The following SYNE2 variants were observed in gnomAD, a reference collection of about 807,000 sequenced individuals.
SYNE2 encodes the protein spectrin repeat containing nuclear envelope protein 2, also known as nesprin-2.
In SYNE2, 431 loss-of-function variants were observed where a neutral mutation model predicts 856.3. That is an observed-to-expected ratio of 0.50 (90% CI 0.47 to 0.55). The LOEUF is 0.55. Among genes scored for constraint, SYNE2 ranks in the 20% least tolerant of loss-of-function variants. The probability of loss-of-function intolerance (pLI) is 0.00; values close to 1 mark genes in which losing one functional copy is unlikely to be tolerated. For synonymous variants in SYNE2, 2,923 were observed against 2,872.3 expected (o/e 1.02, Z -0.56); for missense variants, 8,129 against 8,023.2 (o/e 1.01, Z -0.50).
At chr14:64,126,233 A>G (rs955719650) in intron 71 of SYNE2, 94 bp from the exon 72 acceptor site, 6 of 1,124,014 alleles carry the variant, frequency 5.3e-6, no homozygotes, top group East Asian at 2.4e-5. Flanking sequence ...GAAGCATAAC[A>G]TAAATCATAA....
At position 64,218,796 on chromosome 14, in the gene SYNE2, GAGGATGATGATCAGTGTTATCTCA is replaced by G. The variant is rs566083386; in HGVS notation, c.19657+287_19657+310del. ...ATATTTGTGTGTAAAGATCAGACTT[GAGGATGATGATCAGTGTTATCTCA>G]AGTGTCTCTTCATTCGACCAGCCCA... On this transcript the variant is annotated intron_variant, in intron 109 of 115. Coordinates refer to ENST00000555002, the MANE Select transcript of SYNE2 (RefSeq NM_182914.3). Among the ~76,000 whole-genome samples the G allele has an allele frequency of 2.0e-5, 3 of 152,314 alleles. No individual in the cohort carries two copies. In the South Asian group the frequency reaches 6.2e-4, roughly 32 times the overall value.
intron 85 of SYNE2, among the ~76,000 whole-genome samples, chr14:64,154,792 C>CAAAAAAAAAA (rs34020154): frequency 1.1e-5 from 1 of 91,118 alleles, no homozygotes. Context: ...GACCCTGTCT[C>CAAAAAAAAAA]AAAAAAAAAA....
chr14:63,832,041 A>C (rs1033970982), intron 1 of SYNE2, among the ~76,000 whole-genome samples: 1 of 152,136 alleles, frequency 6.6e-6, no homozygotes, highest in African/African-American at 2.4e-5. Context: ...GATTTGTAAT[A>C]GTCTATTAGT....
At position 64,052,113 on chromosome 14, in the gene SYNE2, A is replaced by T; in HGVS notation, c.8200A>T (p.Asn2734Tyr). ...ENQIKKCDIR[N>Y]KMKETILWAK... ...TCAGATTAAGAAGTGTGACATAAGG[A>T]ACAAGATGAAAGAGACTATCTTATG... Residue 2734 changes from asparagine to tyrosine, a missense_variant, in exon 48 of 116, where the codon AAC becomes TAC. This residue lies in a region of SYNE2 where 5,410 missense variants were observed against 5,284.8 expected (regional missense o/e 1.02). Transcript: ENST00000555002. The T allele has an allele frequency of 6.2e-7, 1 of 1,614,206 alleles. No homozygotes were observed. Among genetic ancestry groups the T allele is most frequent in the Non-Finnish European group, 8.5e-7 (1 of 1,180,034 alleles).
chr14:64,044,232 G>A (rs1434499304), intron 45 of SYNE2, among the ~76,000 whole-genome samples: 1 of 152,108 alleles, frequency 6.6e-6, no homozygotes, highest in African/African-American at 2.4e-5. Flanking sequence ...AGAGTCAAAC[G>A]AGATCATTTT....
intron 78 of SYNE2, among the ~76,000 whole-genome samples, chr14:64,134,480 TGGAATGC>T (rs1299250506): frequency 1.3e-5 from 2 of 152,110 alleles, no homozygotes; most frequent in Admixed American, 6.5e-5. Flanking sequence ...TCTTTATCTG[TGGAATGC>T]AGATAATCGA....
chr14:64,075,815 CT>C, intron 53 of SYNE2, 129 bp from the exon 54 acceptor site: 1 of 902,252 alleles, frequency 1.1e-6, no homozygotes, highest in South Asian at 1.4e-5. Flanking sequence ...GCTTGTATCA[CT>C]AGTGGGGTTT....
At chr14:63,880,086 T>G (rs2094824350) in intron 1 of SYNE2, among the ~76,000 whole-genome samples, 1 of 152,198 alleles carries the variant, frequency 6.6e-6, no homozygotes, top group Non-Finnish European at 1.5e-5. Context: ...TTATTTTATT[T>G]TATTCATTTA....
rs1021017074 is a variant in SYNE2 at position 64,027,937 on chromosome 14, T to A, written c.6714+144T>A. ...TATTTTATTTTTTTGAGACAGGGTC[T>A]CACTCTTTGCCCAGGCTGGAGTGCA... On this transcript the variant is annotated intron_variant, in intron 43 of 115. Transcript: ENST00000555002. The A allele has an allele frequency of 1.9e-5, 14 of 732,288 alleles. No homozygotes were observed. The South Asian group carries it at 2.6e-4, about 14-fold the overall frequency. 45.4% of individuals were successfully genotyped at this position (732,288 alleles called of 1,614,324 possible).
chr14:63,858,349 T>G (rs1375444636), intron 1 of SYNE2, among the ~76,000 whole-genome samples: 1 of 140,972 alleles, frequency 7.1e-6, no homozygotes, highest in Admixed American at 7.5e-5. Flanking sequence ...CTTGAACTCC[T>G]GGCCTCAAGT....
rs746943422 is a variant in SYNE2 at position 64,215,294 on chromosome 14, A to T, written c.19342A>T (p.Ile6448Phe). Residue 6448 changes from isoleucine to phenylalanine, a missense_variant, in exon 107 of 116, where the codon ATC (isoleucine) becomes TTC (phenylalanine). Physicochemically the swap from Ile to Phe is conservative, Grantham distance 21. Around this residue, in one of 3 missense-constraint regions of SYNE2, gnomAD observed 5,410 missense variants for 5,284.8 expected, o/e 1.02. Coordinates refer to ENST00000555002, the MANE Select transcript of SYNE2 (RefSeq NM_182914.3). ...ACATTGTTCTTTTTCAGATGTAGAA[A>T]TCCCTGAAAATCCTGAGGCATATCT... Reference protein sequence around the residue: ...PYYSALSDVEIPENPEAYLKM... With the variant: ...PYYSALSDVEFPENPEAYLKM... The T allele has an allele frequency of 1.9e-5, 31 of 1,614,056 alleles. No individual in the cohort carries two copies. The highest frequency in any genetic ancestry group is 2.5e-5 in the Non-Finnish European group (30 of 1,180,036).
At chr14:63,984,018 G>C (rs1179873993) in intron 18 of SYNE2, 132 bp downstream of exon 18, 1 of 653,176 alleles carries the variant, frequency 1.5e-6, no homozygotes, top group Non-Finnish European at 2.6e-6. Context: ...AAAACAGGTG[G>C]ATGGCTTGAA....
At chr14:64,155,707 G>A (rs1489787086) in intron 85 of SYNE2, among the ~76,000 whole-genome samples, 3 of 152,144 alleles carry the variant, frequency 2.0e-5, no homozygotes, top group African/African-American at 7.2e-5. Flanking sequence ...TAGGAGGATC[G>A]CTTGAGGCCA....
At position 63,859,938 on chromosome 14, in the gene SYNE2, C is replaced by T. The variant is rs1566631786; in HGVS notation, c.-52+6795C>T. On this transcript the variant is annotated intron_variant, in intron 1 of 115. Transcript: ENST00000555002. The stretch of plus-strand genomic sequence containing the variant: ...TTTCTCTCTCTCTTTCTCCCTTCTC[C>T]CCTTCCTTCCCTCCCTCCCTCCCTC... Among the ~76,000 whole-genome samples the T allele has an allele frequency of 2.4e-5, 3 of 124,844 alleles. No homozygotes were observed. In the East Asian group the frequency reaches 6.6e-4, roughly 28 times the overall value. The allele number at this position is 124,844 out of a possible 152,430, so 81.9% of individuals were successfully genotyped here.
chr14:64,179,178 C>A lies in SYNE2; in HGVS notation c.17556+1695C>A, dbSNP rs1347782072. The stretch of plus-strand genomic sequence containing the variant: ...TTAAGACAGAGTCTCCTTCTGTCAC[C>A]CAGGCTGGAATACAGTGGCGCAATC... On this transcript the variant is annotated intron_variant, in intron 96 of 115. Coordinates refer to ENST00000555002, the MANE Select transcript of SYNE2 (RefSeq NM_182914.3). 2.0e-5 allele frequency among the ~76,000 whole-genome samples: 3 copies of A among 151,962 alleles called. No individual in the cohort carries two copies. In the East Asian group the frequency reaches 5.8e-4, roughly 29 times the overall value.
intron 110 of SYNE2, among the ~76,000 whole-genome samples, chr14:64,219,824 C>T (rs1017989492): frequency 1.3e-5 from 2 of 152,174 alleles, no homozygotes; most frequent in African/African-American, 4.8e-5. Context: ...AGGACCGGCT[C>T]ACCTACTGAT....
chr14:63,771,726 T>G (rs1489190035), intron 1 of SYNE2, among the ~76,000 whole-genome samples: 2 of 152,020 alleles, frequency 1.3e-5, no homozygotes, highest in African/African-American at 2.4e-5. Context: ...GGTGAAACCC[T>G]GTCTCTACTA....
At chr14:64,158,285 G>A (rs962366981) in intron 85 of SYNE2, among the ~76,000 whole-genome samples, 1 of 152,190 alleles carries the variant, frequency 6.6e-6, no homozygotes, top group Non-Finnish European at 1.5e-5. Flanking sequence ...GGTCCAATAA[G>A]TTGCCCAAGG....
chr14:63,786,455 C>G (rs1566565577), intron 1 of SYNE2, among the ~76,000 whole-genome samples: 1 of 152,170 alleles, frequency 6.6e-6, no homozygotes, highest in Non-Finnish European at 1.5e-5. Context: ...CCACCCATTA[C>G]TTTCCCTTCT....
Sources: allele counts gnomAD v4.1 joint callset (sites outside exome capture counted in the v4.1 genomes callset), GRCh38; gene constraint gnomAD v4.1.1; regional missense constraint gnomAD v4.1.1; transcripts MANE v1.5; gene names NCBI Gene and HGNC (gene_info 2026-07-23, HGNC 2026-07-21).